RAP1GAP2: variants seen among roughly 807,000 people sequenced by gnomAD.
RAP1GAP2 encodes the protein rap1 GTPase-activating protein 2.
Under a neutral mutation model 95.0 loss-of-function variants are expected in RAP1GAP2, and 27 were observed. The ratio of observed to expected loss-of-function variants is 0.28; its 90% CI spans 0.21 to 0.39. The LOEUF is 0.39. RAP1GAP2 is among the 10% of genes least tolerant of loss of function. RAP1GAP2 has a pLI of 1.00. For synonymous variants in RAP1GAP2, 373 were observed against 380.9 expected (o/e 0.98, Z 0.24); for missense variants, 771 against 970.0 (o/e 0.79, Z 2.72).
chr17:3,031,045 C>G (rs1356175411), intron 23 of RAP1GAP2, 47 bp downstream of exon 23: 1 of 1,514,040 alleles, frequency 6.6e-7, no homozygotes, highest in Non-Finnish European at 9.0e-7. Flanking sequence ...CTGCAGAGGC[C>G]CAGCCTTCCT....
intron 2 of RAP1GAP2, among the ~76,000 whole-genome samples, chr17:2,802,679 G>C (rs79606570): frequency 0.17 from 25,296 of 152,110 alleles, 2,698 homozygotes; most frequent in Admixed American, 0.26. Context: ...CCACAGCCTG[G>C]GAGACAAGAG....
intron 1 of RAP1GAP2, 42 bp from the exon 2 acceptor site, chr17:2,800,473 C>T (rs376331537): frequency 3.1e-6 from 5 of 1,601,820 alleles, no homozygotes; most frequent in South Asian, 1.1e-5. Flanking sequence ...TAGGAGTCTT[C>T]AGCCTCAGCA....
At chr17:2,915,110 G>T (rs1240705619) in intron 3 of RAP1GAP2, among the ~76,000 whole-genome samples, 1 of 151,960 alleles carries the variant, frequency 6.6e-6, no homozygotes, top group Non-Finnish European at 1.5e-5. Flanking sequence ...TAGAAATAGA[G>T]ATGGGGACTC....
chr17:2,935,523 A>C (rs531181916), intron 3 of RAP1GAP2, among the ~76,000 whole-genome samples: 3 of 152,158 alleles, frequency 2.0e-5, no homozygotes, highest in East Asian at 1.9e-4. Flanking sequence ...CACACACACA[A>C]AAGAGAACGT....
At chr17:2,897,876 A>ATT (rs539833145) in intron 2 of RAP1GAP2, among the ~76,000 whole-genome samples, 302 of 149,610 alleles carry the variant, frequency 2.0e-3, no homozygotes, top group African/African-American at 6.6e-3. Flanking sequence ...GAACCCTGGG[A>ATT]TTGAAGTAGG....
intron 1 of RAP1GAP2, among the ~76,000 whole-genome samples, chr17:2,786,453 C>T (rs2068777222): frequency 6.6e-6 from 1 of 152,212 alleles, no homozygotes; most frequent in Non-Finnish European, 1.5e-5. Flanking sequence ...AGCTTGCCTG[C>T]AGAGGGCGCA....
At chr17:2,809,779 A>G (rs1194269163) in intron 2 of RAP1GAP2, among the ~76,000 whole-genome samples, 1 of 152,158 alleles carries the variant, frequency 6.6e-6, no homozygotes, top group African/African-American at 2.4e-5. Flanking sequence ...TCTTGTCTAC[A>G]CACTGCAGAC....
chr17:2,905,425 C>T, intron 3 of RAP1GAP2, 57 bp downstream of exon 3: 2 of 1,555,650 alleles, frequency 1.3e-6, no homozygotes, highest in Non-Finnish European at 1.8e-6. Context: ...AGTTGTGAGG[C>T]CTTGCTGTGG....
chr17:3,028,088 T>A (rs920470417), intron 22 of RAP1GAP2, among the ~76,000 whole-genome samples: 1 of 151,754 alleles, frequency 6.6e-6, no homozygotes, highest in African/African-American at 2.4e-5. Flanking sequence ...AGACATGTCA[T>A]TGGGCGAGTC....
At chr17:2,884,449 T>C (rs2073413843) in intron 2 of RAP1GAP2, among the ~76,000 whole-genome samples, 1 of 146,852 alleles carries the variant, frequency 6.8e-6, no homozygotes, top group Non-Finnish European at 1.5e-5. Flanking sequence ...CTCGGCTCAC[T>C]GTAACCTTCG....
chr17:2,978,572 C>T (rs151186311), intron 8 of RAP1GAP2, among the ~76,000 whole-genome samples: 4 of 152,054 alleles, frequency 2.6e-5, no homozygotes, highest in East Asian at 1.9e-4. Context: ...TTTTTTTGGC[C>T]GTGGTTGACT....
intron 2 of RAP1GAP2, among the ~76,000 whole-genome samples, chr17:2,883,943 A>G (rs1430595896): frequency 1.3e-5 from 2 of 152,246 alleles, no homozygotes; most frequent in East Asian, 1.9e-4. Flanking sequence ...AGCAACAGCA[A>G]AAACTCTAGA....
intron 4 of RAP1GAP2, among the ~76,000 whole-genome samples, chr17:2,958,957 A>T (rs1347787387): frequency 6.6e-6 from 1 of 151,660 alleles, no homozygotes; most frequent in Non-Finnish European, 1.5e-5. Context: ...TGACAGACTC[A>T]TCTTCTACGC....
At chr17:3,002,162 C>T (rs2046183085) in intron 14 of RAP1GAP2, among the ~76,000 whole-genome samples, 1 of 152,100 alleles carries the variant, frequency 6.6e-6, no homozygotes, top group South Asian at 2.1e-4. Context: ...GGGGTTTCAC[C>T]ATGTTGGCCA....
intron 2 of RAP1GAP2, among the ~76,000 whole-genome samples, chr17:2,832,591 A>G (rs1355609427): frequency 2.0e-5 from 3 of 149,114 alleles, no homozygotes; most frequent in Admixed American, 1.3e-4. Context: ...AAAGTCTCCT[A>G]TGGCCAGCAG....
At chr17:2,833,579 A>G (rs1209421737) in intron 2 of RAP1GAP2, among the ~76,000 whole-genome samples, 1 of 150,730 alleles carries the variant, frequency 6.6e-6, no homozygotes, top group East Asian at 2.0e-4. Context: ...AGTCCCAGCT[A>G]CTTGGGAGGC....
At position 2,878,915 on chromosome 17, in the gene RAP1GAP2, T is replaced by C. The variant is rs2073189292; in HGVS notation, c.81-26369T>C. ...CATCCGTGTGATGGGGTAATAATAGTGCCCTCTTCCCGTGACGGTTGTGAC... is the reference window on the plus strand; with the variant it reads ...CATCCGTGTGATGGGGTAATAATAGCGCCCTCTTCCCGTGACGGTTGTGAC... On this transcript the variant is annotated intron_variant, in intron 2 of 24. Coordinates refer to ENST00000254695, the MANE Select transcript of RAP1GAP2 (RefSeq NM_015085.5). Among the ~76,000 whole-genome samples the C allele has an allele frequency of 2.0e-5, 3 of 152,178 alleles. No individual in the cohort carries two copies. The South Asian group carries it at 6.2e-4, about 32-fold the overall frequency.
chr17:2,932,348 A>T (rs567301880), intron 3 of RAP1GAP2, among the ~76,000 whole-genome samples: 154 of 151,982 alleles, frequency 1.0e-3, no homozygotes, highest in African/African-American at 3.1e-3. Flanking sequence ...TCTCTGGGGG[A>T]CAACTGCAGC....
chr17:2,950,382 C>T (rs1292847443), intron 3 of RAP1GAP2, among the ~76,000 whole-genome samples: 1 of 152,064 alleles, frequency 6.6e-6, no homozygotes, highest in Non-Finnish European at 1.5e-5. Flanking sequence ...TCTAAAGACA[C>T]TGTCTCTGGG....
Sources: allele counts gnomAD v4.1 joint callset (sites outside exome capture counted in the v4.1 genomes callset), GRCh38; gene constraint gnomAD v4.1.1; transcripts MANE v1.5; gene names NCBI Gene and HGNC (gene_info 2026-07-23, HGNC 2026-07-21).